Variants in MYO5C observed in about 807,000 individuals in gnomAD.
MYO5C encodes myosin VC.
In MYO5C, 194 loss-of-function variants were observed where a neutral mutation model predicts 235.7. The observed-to-expected ratio is 0.82, with a 90% CI of 0.73 to 0.93. MYO5C has a LOEUF of 0.93. MYO5C is among the 40% of genes least tolerant of loss of function. The pLI is 0.00. For synonymous variants in MYO5C, 707 were observed against 754.8 expected (o/e 0.94, Z 1.04); for missense variants, 2,038 against 2,127.2 (o/e 0.96, Z 0.82).
Position 52,208,617 on chromosome 15 carries a change from C to T in MYO5C, c.4323G>A (p.Leu1441=). 2 of 1,614,112 alleles carry T rather than the reference C, an allele frequency of 1.2e-6. No individual in the cohort carries two copies. Among genetic ancestry groups the T allele is most frequent in the Non-Finnish European group, 1.7e-6 (2 of 1,179,976 alleles). ...GACAAGTGTTGGAAAGCCAAAAGGA[C>T]AGCATTTCAAAGTCTTCTAAATGTT... is the stretch of plus-strand genomic sequence containing the variant. ...VKEHLEDFEM[L]SFWLSNTCHF... The change falls in exon 36 of 41, where the codon CTG becomes CTA. Residue 1441 remains leucine, a synonymous_variant. Transcript: ENST00000261839.
At chr15:52,286,024 G>A (rs551116135) in intron 1 of MYO5C, among the ~76,000 whole-genome samples, 168 of 152,272 alleles carry the variant, frequency 1.1e-3, no homozygotes, top group African/African-American at 3.9e-3. Flanking sequence ...TCTGAGATGT[G>A]GGGAGCGCCT....
chr15:52,295,614 G>A lies in MYO5C; in HGVS notation c.23C>T (p.Thr8Met). The A allele has an allele frequency of 6.7e-7, 1 of 1,491,890 alleles. No individual in the cohort carries two copies. Among genetic ancestry groups the A allele is most frequent in the South Asian group, 1.3e-5 (1 of 78,236 alleles). 92.4% of individuals were successfully genotyped at this position (1,491,890 alleles called of 1,614,324 possible). The change falls in exon 1 of 41, where the codon ACG becomes ATG. Residue 8 changes from threonine (T) to methionine (M), a missense_variant. Transcript: ENST00000261839. The part of the protein sequence containing the change: MAVAELY[T>M]QYNRVWIPDP... Reference sequence around the variant, plus strand: ...GAGCCCAGCGGACCCTCCTACCTGCGTGTACAGCTCGGCCACCGCCATGGG... The same window carrying A: ...GAGCCCAGCGGACCCTCCTACCTGCATGTACAGCTCGGCCACCGCCATGGG...
intron 2 of MYO5C, among the ~76,000 whole-genome samples, chr15:52,280,521 A>G (rs2037143998): frequency 1.3e-5 from 2 of 152,202 alleles, no homozygotes; most frequent in African/African-American, 2.4e-5. Context: ...GGGGGAAGTG[A>G]AGCCCAACTA....
At chr15:52,229,562 T>A (rs886731946) in intron 24 of MYO5C, among the ~76,000 whole-genome samples, 3 of 152,186 alleles carry the variant, frequency 2.0e-5, no homozygotes, top group African/African-American at 7.2e-5. Context: ...AGGTCCAGGC[T>A]GCAGTGAGCT....
At chr15:52,241,959 C>T in intron 20 of MYO5C, 89 bp downstream of exon 20, 1 of 1,387,676 alleles carries the variant, frequency 7.2e-7, no homozygotes, top group Non-Finnish European at 9.8e-7. Context: ...TGAGGTTGCC[C>T]ATAGTGAAGT....
intron 1 of MYO5C, among the ~76,000 whole-genome samples, chr15:52,288,312 C>T (rs1474300861): frequency 6.6e-6 from 1 of 152,212 alleles, no homozygotes; most frequent in Non-Finnish European, 1.5e-5. Context: ...CAACCATCTA[C>T]TTGAGAGTCC....
intron 2 of MYO5C, among the ~76,000 whole-genome samples, chr15:52,280,508 G>T (rs960752047): frequency 6.6e-6 from 1 of 152,176 alleles, no homozygotes; most frequent in African/African-American, 2.4e-5. Context: ...CCATTTCACC[G>T]CTGGGGGAAG....
At chr15:52,239,963 C>T in intron 20 of MYO5C, 84 bp from the exon 21 acceptor site, 1 of 1,394,492 alleles carries the variant, frequency 7.2e-7, no homozygotes, top group Non-Finnish European at 9.7e-7. Flanking sequence ...GATGCAACTA[C>T]CACGGTGTAG....
At chr15:52,267,321 T>C (rs1021060418) in intron 8 of MYO5C, among the ~76,000 whole-genome samples, 1 of 152,240 alleles carries the variant, frequency 6.6e-6, no homozygotes, top group African/African-American at 2.4e-5. Context: ...GGCCTGGTGC[T>C]GGGGACTTTT....
At chr15:52,244,274 G>T in intron 19 of MYO5C, 82 bp downstream of exon 19, 1 of 1,402,952 alleles carries the variant, frequency 7.1e-7, no homozygotes, top group Non-Finnish European at 9.8e-7. Flanking sequence ...AAGGTCCCTT[G>T]TCCTTGATGA....
At chr15:52,230,920 C>T (rs565350604) in intron 24 of MYO5C, among the ~76,000 whole-genome samples, 51 of 151,302 alleles carry the variant, frequency 3.4e-4, no homozygotes, top group African/African-American at 1.1e-3. Flanking sequence ...CTCCGCCTCC[C>T]GGTTTCAAGT....
Position 52,278,988 on chromosome 15 carries a change from T to C in MYO5C, c.334A>G (p.Lys112Glu), listed in dbSNP as rs759027359. 1.9e-6 allele frequency: 3 copies of C among 1,613,780 alleles called. No individual in the cohort carries two copies. The highest frequency in any genetic ancestry group is 2.2e-5 in the East Asian group (1 of 44,860). ...GCATCTCCGTATATTGGCAACTGCT[T>C]GTAAGGATTCATGGCCACCAAAATG... ...GIILVAMNPY[K>E]QLPIYGDAII... is the part of the protein sequence containing the mutation. The change falls in exon 4 of 41, where the codon AAG (lysine) becomes GAG (glutamate). Residue 112 changes from lysine to glutamate, a missense_variant. Lys to Glu is a moderately conservative substitution (Grantham distance 56, BLOSUM62 1). Transcript: ENST00000261839.
In MYO5C at chr15:52,279,557, T is replaced by C. The variant is rs750275234; in HGVS notation, c.256A>G (p.Asn86Asp). 5.0e-6 allele frequency: 8 copies of C among 1,614,050 alleles called. No homozygotes were observed. Among genetic ancestry groups the C allele is most frequent in the Non-Finnish European group, 6.8e-6 (8 of 1,179,912 alleles). Residue 86 changes from asparagine (N) to aspartate (D), a missense_variant, in exon 3 of 41, where the codon AAC becomes GAC. Transcript: ENST00000261839. ...SYLHEPAVLH[N>D]LRIRFAESKL... ...GATTCTGCAAAGCGGATTCTGAGGT[T>C]GTGGAGCACCGCGGGCTCGTGAAGA...
intron 4 of MYO5C, chr15:52,277,849 G>T (rs1166698674): frequency 2.2e-6 from 1 of 455,442 alleles, no homozygotes; most frequent in Non-Finnish European, 4.4e-6. Context: ...TCTACCTCAT[G>T]TAAGCACCAC....
chr15:52,230,654 C>T (rs1462980562), intron 24 of MYO5C, among the ~76,000 whole-genome samples: 1 of 151,964 alleles, frequency 6.6e-6, no homozygotes, highest in Non-Finnish European at 1.5e-5. Flanking sequence ...AGGTGATCTG[C>T]CCGCCTTGGC....
At chr15:52,219,150 A>T (rs1419587532) in intron 31 of MYO5C, among the ~76,000 whole-genome samples, 1 of 152,252 alleles carries the variant, frequency 6.6e-6, no homozygotes, top group African/African-American at 2.4e-5. Context: ...TGATAAAGTC[A>T]CATAACTAAA....
chr15:52,247,034 A>C lies in MYO5C; in HGVS notation c.1882-20T>G. The C allele has an allele frequency of 6.3e-7, 1 of 1,595,618 alleles. No individual in the cohort carries two copies. On this transcript the variant is annotated intron_variant, in intron 15 of 40. Coordinates refer to ENST00000261839, the MANE Select transcript of MYO5C (RefSeq NM_018728.4). ...GCGGAACTAGGAAACAAAGCTAGAG[A>C]TCAAACATGGCTCTGAAATAATTTA...
intron 12 of MYO5C, among the ~76,000 whole-genome samples, chr15:52,252,571 C>T (rs1342459983): frequency 6.6e-6 from 1 of 151,864 alleles, no homozygotes; most frequent in African/African-American, 2.4e-5. Context: ...GTCAGGAGAT[C>T]CAGACCATCC....
intron 20 of MYO5C, among the ~76,000 whole-genome samples, chr15:52,240,797 C>A (rs1234902564): frequency 6.6e-6 from 1 of 151,992 alleles, no homozygotes; most frequent in African/African-American, 2.4e-5. Flanking sequence ...ATGAAACCCC[C>A]CAAAATATAC....
Sources: allele counts gnomAD v4.1 joint callset (sites outside exome capture counted in the v4.1 genomes callset), GRCh38; gene constraint gnomAD v4.1.1; transcripts MANE v1.5; gene names NCBI Gene and HGNC (gene_info 2026-07-23, HGNC 2026-07-21).